ATXN7L1: variants seen among roughly 807,000 people sequenced by gnomAD.
ATXN7L1 encodes ataxin-7-like protein 1.
Under a neutral mutation model 70.8 loss-of-function variants are expected in ATXN7L1, and 15 were observed. That is an observed-to-expected ratio of 0.21 (90% confidence interval 0.14 to 0.33). The LOEUF is 0.33. Ranked by LOEUF, ATXN7L1 falls within the 10% of genes least tolerant of loss-of-function variation. ATXN7L1 has a pLI of 1.00. For missense variants in ATXN7L1, 975 were observed against 1,097.1 expected (o/e 0.89, Z 1.57); for synonymous variants, 440 against 445.1 (o/e 0.99, Z 0.14).
chr7:105,619,495 CATATATATATATATATAT>C lies in ATXN7L1; in HGVS notation c.1517+687_1517+704del, dbSNP rs1176697618. Among the ~76,000 whole-genome samples, 33 of 27,648 alleles carry C rather than the reference CATATATATATATATATAT, an allele frequency of 1.2e-3. No homozygotes were observed. In the East Asian group the frequency reaches 0.024, roughly 20 times the overall value. 18.1% of individuals were successfully genotyped at this position (27,648 alleles called of 152,430 possible). A position where few individuals can be genotyped will look rare whatever the true frequency, so the allele number is the denominator to read the frequency against. ...GTAGTATTAACATCACAAACAGAAG[CATATATATATATATATAT>C]ATATATATATATATATATTTTTTTT... On this transcript the variant is annotated intron_variant, in intron 9 of 11. Transcript: ENST00000419735.
intron 9 of ATXN7L1, among the ~76,000 whole-genome samples, chr7:105,618,576 G>A (rs1794271091): frequency 1.3e-5 from 2 of 152,240 alleles, no homozygotes; most frequent in South Asian, 4.1e-4. Context: ...CTGGGGGAGA[G>A]GAGGAATCCT....
At chr7:105,695,680 G>A (rs1424966562) in intron 3 of ATXN7L1, among the ~76,000 whole-genome samples, 1 of 152,142 alleles carries the variant, frequency 6.6e-6, no homozygotes, top group African/African-American at 2.4e-5. Context: ...TTGGGGGATC[G>A]CTTCTCTAAA....
intron 5 of ATXN7L1, among the ~76,000 whole-genome samples, chr7:105,641,214 C>CTTTTTTTTTTTTTTTTT (rs561100060): frequency 1.8e-4 from 4 of 21,788 alleles, no homozygotes; most frequent in African/African-American, 5.0e-4. Context: ...CTCTCTCTCT[C>CTTTTTTTTTTTTTTTTT]TTTTTTTTTT....
In ATXN7L1 at chr7:105,618,093, T is replaced by G. The variant is rs372420736; in HGVS notation, c.1517+2107A>C. On this transcript the variant is annotated intron_variant, in intron 9 of 11. Transcript: ENST00000419735. The stretch of plus-strand genomic sequence containing the variant: ...CCTGATGCCCTGTGGCTCGGGTTTC[T>G]GTGCCTGAGGAGGAAAGGAATATGG... 99 of 456,588 alleles carry G rather than the reference T, an allele frequency of 2.2e-4. 1 individual carries two copies. The highest frequency in any genetic ancestry group is 8.5e-4 in the South Asian group (55 of 64,546). 28.3% of individuals were successfully genotyped at this position (456,588 alleles called of 1,614,324 possible). A position where few individuals can be genotyped will look rare whatever the true frequency, so the allele number is the denominator to read the frequency against.
intron 3 of ATXN7L1, among the ~76,000 whole-genome samples, chr7:105,671,453 C>G (rs986299412): frequency 6.6e-6 from 1 of 152,146 alleles, no homozygotes; most frequent in African/African-American, 2.4e-5. Context: ...AAGCACCACT[C>G]ACCTACTTTA....
Position 105,613,533 on chromosome 7 carries a change from A to C in ATXN7L1, c.2472+329T>G, listed in dbSNP as rs553185807. 1.2e-3 allele frequency: 1,554 copies of C among 1,253,566 alleles called. 1 individual carries two copies. Among genetic ancestry groups the C allele is most frequent in the Admixed American group, 1.3e-3 (37 of 28,284 alleles). 77.7% of individuals were successfully genotyped at this position (1,253,566 alleles called of 1,614,324 possible). On this transcript the variant is annotated intron_variant, in intron 10 of 11. Transcript: ENST00000419735. ...GAACCTCAAAAGATAAAACTGACCG[A>C]TGTGGAGTGGGGAACTCAGAATCTC...
At chr7:105,746,016 C>A (rs1798545565) in intron 3 of ATXN7L1, among the ~76,000 whole-genome samples, 1 of 152,188 alleles carries the variant, frequency 6.6e-6, no homozygotes, top group Non-Finnish European at 1.5e-5. Context: ...TTCAGTGGAC[C>A]ATTCCCCCAG....
At chr7:105,665,483 G>C (rs889792456) in intron 3 of ATXN7L1, among the ~76,000 whole-genome samples, 195 bp from the exon 4 acceptor site, 17 of 152,202 alleles carry the variant, frequency 1.1e-4, no homozygotes, top group Non-Finnish European at 2.1e-4. Flanking sequence ...CAATAATTAT[G>C]TTCTGGGTTT....
At chr7:105,685,381 A>G (rs893870840) in intron 3 of ATXN7L1, among the ~76,000 whole-genome samples, 11 of 152,354 alleles carry the variant, frequency 7.2e-5, no homozygotes, top group Middle Eastern at 6.8e-3. Context: ...TACCATTTCC[A>G]TTGGCAGAGA....
chr7:105,639,713 T>C (rs1436212653), intron 5 of ATXN7L1, 144 bp from the exon 6 acceptor site: 1 of 663,390 alleles, frequency 1.5e-6, no homozygotes, highest in African/African-American at 1.8e-5. Context: ...TTTTGTGTTT[T>C]GTTTTCTCAA....
chr7:105,711,174 A>C (rs1243209501), intron 3 of ATXN7L1, among the ~76,000 whole-genome samples: 2 of 152,058 alleles, frequency 1.3e-5, no homozygotes, highest in Non-Finnish European at 2.9e-5. Flanking sequence ...CAGCAAGGGG[A>C]AACCCATCCC....
intron 3 of ATXN7L1, among the ~76,000 whole-genome samples, chr7:105,773,750 C>T (rs762432346): frequency 1.3e-5 from 2 of 151,968 alleles, no homozygotes; most frequent in Non-Finnish European, 2.9e-5. Context: ...AATAATGAAA[C>T]AAATACAAAA....
chr7:105,784,177 G>A (rs1227634446), intron 3 of ATXN7L1, among the ~76,000 whole-genome samples: 1 of 152,128 alleles, frequency 6.6e-6, no homozygotes, highest in Non-Finnish European at 1.5e-5. Flanking sequence ...TCCCCAGAAT[G>A]GTCTTGAACT....
chr7:105,619,147 T>TTTTTTTTC, intron 9 of ATXN7L1, among the ~76,000 whole-genome samples: 1 of 110,360 alleles, frequency 9.1e-6, no homozygotes. Flanking sequence ...TTAGTTTTTT[T>TTTTTTTTC]TTTTTTTTTT....
chr7:105,695,753 C>T (rs541442052), intron 3 of ATXN7L1, among the ~76,000 whole-genome samples: 1 of 152,260 alleles, frequency 6.6e-6, no homozygotes, highest in South Asian at 2.1e-4. Context: ...AAATATTGGA[C>T]CAAATGTAGG....
At chr7:105,719,453 G>T (rs995518510) in intron 3 of ATXN7L1, among the ~76,000 whole-genome samples, 5 of 152,126 alleles carry the variant, frequency 3.3e-5, no homozygotes, top group Non-Finnish European at 5.9e-5. Context: ...CCTATTTGGG[G>T]CTTTGGGTCT....
intron 3 of ATXN7L1, chr7:105,761,528 A>T: frequency 6.3e-7 from 1 of 1,583,690 alleles, no homozygotes; most frequent in Non-Finnish European, 8.6e-7. Context: ...TTTGGAAATT[A>T]TATTTGTAAA....
chr7:105,874,827 C>T (rs1249244253), intron 2 of ATXN7L1, among the ~76,000 whole-genome samples: 3 of 152,182 alleles, frequency 2.0e-5, no homozygotes, highest in Admixed American at 6.5e-5. Flanking sequence ...GGGGACCATT[C>T]TTTGGCATCT....
At position 105,614,422 on chromosome 7, in the gene ATXN7L1, C is replaced by T. The variant is rs763216202; in HGVS notation, c.1912G>A (p.Glu638Lys). 12 of 1,550,598 alleles carry T rather than the reference C, an allele frequency of 7.7e-6. No homozygotes were observed. Among genetic ancestry groups the T allele is most frequent in the African/African-American group, 4.1e-5 (3 of 72,884 alleles). ...TTCCTTTTTTTGTTACTTGGAGACT[C>T]GTCGCTACGGGTGGACAGGTCTTTG... is the stretch of plus-strand genomic sequence containing the variant. ...KVKDLSTRSD[E>K]SPSNKKRKPQ... Residue 638 changes from glutamate to lysine, a missense_variant, in exon 10 of 12, where the codon GAG (glutamate) becomes AAG (lysine). Physicochemically the swap from Glu to Lys is moderately conservative, Grantham distance 56. Transcript: ENST00000419735. The surrounding 1 kb of genome is among the most constrained non-coding windows in gnomAD (Gnocchi z 4.3).
Sources: gnomAD v4.1 joint callset for allele counts (sites outside exome capture counted in the v4.1 genomes callset) on GRCh38, gnomAD v4.1.1 for gene constraint, Gnocchi (gnomAD v3.1) non-coding constraint, MANE v1.5 for transcripts, NCBI Gene and HGNC (gene_info 2026-07-23, HGNC 2026-07-21) for gene names.